RPL37: variants seen among roughly 807,000 people sequenced by gnomAD.
RPL37 encodes the protein large ribosomal subunit protein eL37.
A neutral mutation model predicts 14.8 loss-of-function variants in RPL37; 1 was observed. The ratio of observed to expected loss-of-function variants is 0.07; its 90% CI spans 0.02 to 0.32. The LOEUF (loss-of-function observed/expected upper bound fraction) is 0.32. Ranked by LOEUF, RPL37 falls within the 10% of genes least tolerant of loss-of-function variation. RPL37 has a pLI of 1.00. For synonymous variants in RPL37, 53 were observed against 45.8 expected (o/e 1.16, Z -0.63); for missense variants, 100 against 128.3 (o/e 0.78, Z 1.06).
Position 40,830,464 on chromosome 5 carries a change from T to C in RPL37, c.*2040A>G, listed in dbSNP as rs1048272604. 6.6e-6 allele frequency: 1 copy of C among 151,768 alleles called. No homozygotes were observed. The highest frequency in any genetic ancestry group is 2.4e-5 in the African/African-American group (1 of 41,256). 9.4% of individuals were successfully genotyped at this position (151,768 alleles called of 1,614,324 possible). On this transcript the variant is annotated 3_prime_UTR_variant, in exon 4 of 4. Coordinates refer to ENST00000274242, the MANE Select transcript of RPL37 (RefSeq NM_000997.5). Reference sequence around the variant, plus strand: ...TCCAATGCAAGATCCACTGCTTATTTTGTTTCATTTGAAAATTTGAGTCAT... The same window carrying C: ...TCCAATGCAAGATCCACTGCTTATTCTGTTTCATTTGAAAATTTGAGTCAT...
chr5:40,826,347 A>G lies in RPL37; in HGVS notation c.*6157T>C, dbSNP rs1745517539. On this transcript the variant is annotated 3_prime_UTR_variant, in exon 4 of 4. Transcript: ENST00000274242. ...TGGTCAGTTTTCAGTTTTTATCATTATTTATTATTTTATTTTTTATATCCC... is the reference window on the plus strand; with the variant it reads ...TGGTCAGTTTTCAGTTTTTATCATTGTTTATTATTTTATTTTTTATATCCC... 6.6e-6 allele frequency: 1 copy of G among 151,908 alleles called. No homozygotes were observed. The highest frequency in any genetic ancestry group is 2.4e-5 in the African/African-American group (1 of 41,226). The allele number at this position is 151,908 out of a possible 1,614,324, so 9.4% of individuals were successfully genotyped here.
In RPL37 at chr5:40,830,937, T is replaced by C. The variant is rs1419909924; in HGVS notation, c.*1567A>G. On this transcript the variant is annotated 3_prime_UTR_variant, in exon 4 of 4. Transcript: ENST00000274242. ...GGTCATTGTTCAATCTTCAACAGAC[T>C]ATCTTCACTTGAAAATTTGATGATG... 2 of 152,044 alleles carry C rather than the reference T, an allele frequency of 1.3e-5. No homozygotes were observed. The highest frequency in any genetic ancestry group is 4.8e-5 in the African/African-American group (2 of 41,406). 9.4% of individuals were successfully genotyped at this position (152,044 alleles called of 1,614,324 possible).
Position 40,828,620 on chromosome 5 carries a change from G to T in RPL37, c.*3884C>A, listed in dbSNP as rs1745569630. 1 of 152,170 alleles carries T rather than the reference G, an allele frequency of 6.6e-6. No homozygotes were observed. The highest frequency in any genetic ancestry group is 6.5e-5 in the Admixed American group (1 of 15,270). 9.4% of individuals were successfully genotyped at this position (152,170 alleles called of 1,614,324 possible). The stretch of plus-strand genomic sequence containing the variant: ...CTGCTCTAACATGAGAGAGGTTTAT[G>T]AAAAGTAAAGACTAGCCTAAATTTT... On this transcript the variant is annotated 3_prime_UTR_variant, in exon 4 of 4. Transcript: ENST00000274242.
chr5:40,825,504 T>G lies in RPL37; in HGVS notation c.*7000A>C, dbSNP rs1433686311. ...AATCCCTAATAGGACAATTGTTCAC[T>G]CTGAGGCTTCTGGCTTCTTATCTCT... is the stretch of plus-strand genomic sequence containing the variant. On this transcript the variant is annotated 3_prime_UTR_variant, in exon 4 of 4. Transcript: ENST00000274242. 1 of 152,256 alleles carries G rather than the reference T, an allele frequency of 6.6e-6. No homozygotes were observed. The highest frequency in any genetic ancestry group is 1.5e-5 in the Non-Finnish European group (1 of 68,076). 9.4% of individuals were successfully genotyped at this position (152,256 alleles called of 1,614,324 possible).
In RPL37 at chr5:40,826,061, T is replaced by G. The variant is rs1745510858; in HGVS notation, c.*6443A>C. Reference sequence around the variant, plus strand: ...CCTCACTTGAGGAAGCTGGCCTTTCTCCTGTACTGTTTTACCAGTTGTCTT... The same window carrying G: ...CCTCACTTGAGGAAGCTGGCCTTTCGCCTGTACTGTTTTACCAGTTGTCTT... On this transcript the variant is annotated 3_prime_UTR_variant, in exon 4 of 4. Transcript: ENST00000274242. The G allele has an allele frequency of 6.6e-6, 1 of 152,224 alleles. No homozygotes were observed. Among genetic ancestry groups the G allele is most frequent in the African/African-American group, 2.4e-5 (1 of 41,458 alleles). 9.4% of individuals were successfully genotyped at this position (152,224 alleles called of 1,614,324 possible).
chr5:40,835,133 C>G, intron 1 of RPL37, 50 bp downstream of exon 1: 1 of 1,613,654 alleles, frequency 6.2e-7, no homozygotes, highest in Non-Finnish European at 8.5e-7. Context: ...CAGAGAGGCA[C>G]AAAGGACGAG....
rs1561207624 is a variant in RPL37 at position 40,831,589 on chromosome 5, G to A, written c.*915C>T. The A allele has an allele frequency of 6.6e-6, 1 of 152,272 alleles. No homozygotes were observed. Among genetic ancestry groups the A allele is most frequent in the Non-Finnish European group, 1.5e-5 (1 of 68,024 alleles). 9.4% of individuals were successfully genotyped at this position (152,272 alleles called of 1,614,324 possible). On this transcript the variant is annotated 3_prime_UTR_variant, in exon 4 of 4. Transcript: ENST00000274242. ...GGCTACATCACTATTTTATGTAGCT[G>A]TTCCAGCAATTCATGTTCCCTTCAA... is the stretch of plus-strand genomic sequence containing the variant.
rs1417997384 is a variant in RPL37 at position 40,831,171 on chromosome 5, G to A, written c.*1333C>T. The A allele has an allele frequency of 6.6e-6, 1 of 152,256 alleles. No individual in the cohort carries two copies. The highest frequency in any genetic ancestry group is 1.5e-5 in the Non-Finnish European group (1 of 68,062). 9.4% of individuals were successfully genotyped at this position (152,256 alleles called of 1,614,324 possible). A position where few individuals can be genotyped will look rare whatever the true frequency, so the allele number is the denominator to read the frequency against. On this transcript the variant is annotated 3_prime_UTR_variant, in exon 4 of 4. Coordinates refer to ENST00000274242, the MANE Select transcript of RPL37 (RefSeq NM_000997.5). The stretch of plus-strand genomic sequence containing the variant: ...GTGGTGGTGTGCATCTGTAGTCCCA[G>A]CTACTCAGAAGGCTGAGGCAGGAGA...
intron 3 of RPL37, among the ~76,000 whole-genome samples, chr5:40,832,904 T>C (rs1312997618): frequency 6.6e-6 from 1 of 152,240 alleles, no homozygotes; most frequent in East Asian, 1.9e-4. Flanking sequence ...ATACTGAGAA[T>C]AGATCCCAAC....
intron 3 of RPL37, 135 bp from the exon 4 acceptor site, chr5:40,832,708 T>C (rs977069274): frequency 2.5e-6 from 2 of 785,072 alleles, no homozygotes; most frequent in Non-Finnish European, 4.7e-6. Flanking sequence ...TGTTCAGACA[T>C]TTATTTTTAC....
chr5:40,834,054 A>G, intron 3 of RPL37, 127 bp downstream of exon 3: 1 of 714,916 alleles, frequency 1.4e-6, no homozygotes, highest in Non-Finnish European at 2.4e-6. Context: ...CAAAAACAAC[A>G]ATAAATAAAA....
rs1745524385 is a variant in RPL37, at chr5:40,826,639, C to T, written c.*5865G>A. ...AGAGGGCTGCTGCCATGCGATCTCC[C>T]TGAAATTGTTTTTTTCAGGCCAGGG... On this transcript the variant is annotated 3_prime_UTR_variant, in exon 4 of 4. Transcript: ENST00000274242. 1 of 152,166 alleles carries T rather than the reference C, an allele frequency of 6.6e-6. No individual in the cohort carries two copies. Among genetic ancestry groups the T allele is most frequent in the East Asian group, 1.9e-4 (1 of 5,204 alleles). The allele number at this position is 152,166 out of a possible 1,614,324, so 9.4% of individuals were successfully genotyped here.
intron 3 of RPL37, chr5:40,833,953 G>A: frequency 1.9e-6 from 1 of 527,814 alleles, no homozygotes; most frequent in Non-Finnish European, 3.4e-6. Flanking sequence ...CGGCTGAGAT[G>A]AGATTACCTG....
In RPL37 at chr5:40,828,879, C is replaced by G. The variant is rs182225230; in HGVS notation, c.*3625G>C. 6.6e-6 allele frequency: 1 copy of G among 152,308 alleles called. No individual in the cohort carries two copies. The highest frequency in any genetic ancestry group is 6.5e-5 in the Admixed American group (1 of 15,286). The allele number at this position is 152,308 out of a possible 1,614,324, so 9.4% of individuals were successfully genotyped here. ...GTAGGTGCACCATACATAAATATGT[C>G]AACAAATGAACTTCTCCCTCTCTCC... On this transcript the variant is annotated 3_prime_UTR_variant, in exon 4 of 4. Transcript: ENST00000274242.
intron 3 of RPL37, chr5:40,833,774 A>C (rs1225658160): frequency 6.3e-6 from 1 of 159,946 alleles, no homozygotes; most frequent in Middle Eastern, 2.8e-3. Context: ...AATCCAAACT[A>C]ACTGATGTCA....
chr5:40,830,002 G>C lies in RPL37; in HGVS notation c.*2502C>G, dbSNP rs905063560. On this transcript the variant is annotated 3_prime_UTR_variant, in exon 4 of 4. Transcript: ENST00000274242. Reference sequence around the variant, plus strand: ...CCACAGATTCAACCTTTCTATTTTTGTAACTTTACAGAACATAACCAGTTA... The same window carrying C: ...CCACAGATTCAACCTTTCTATTTTTCTAACTTTACAGAACATAACCAGTTA... The C allele has an allele frequency of 1.3e-5, 2 of 151,942 alleles. No homozygotes were observed. The highest frequency in any genetic ancestry group is 2.9e-5 in the Non-Finnish European group (2 of 68,002). The allele number at this position is 151,942 out of a possible 1,614,324, so 9.4% of individuals were successfully genotyped here.
rs559448139 is a variant in RPL37 at position 40,834,327 on chromosome 5, T to A, written c.140-62A>T. On this transcript the variant is annotated intron_variant, in intron 2 of 3. Transcript: ENST00000274242. ...TCTCCCACACACCTTGTAGGTGTTG[T>A]TAACACACGAGTTTTATGCCACCTC... 37 of 1,564,780 alleles carry A rather than the reference T, an allele frequency of 2.4e-5. No individual in the cohort carries two copies. The African/African-American group carries it at 5.0e-4, about 21-fold the overall frequency.
At chr5:40,833,190 G>A (rs1745679720) in intron 3 of RPL37, among the ~76,000 whole-genome samples, 1 of 152,198 alleles carries the variant, frequency 6.6e-6, no homozygotes, top group African/African-American at 2.4e-5. Flanking sequence ...ACCTATGGGT[G>A]TCTACAAAGC....
chr5:40,825,875 T>C lies in RPL37; in HGVS notation c.*6629A>G, dbSNP rs1442686087. 2 of 152,240 alleles carry C rather than the reference T, an allele frequency of 1.3e-5. No individual in the cohort carries two copies. The highest frequency in any genetic ancestry group is 4.8e-5 in the African/African-American group (2 of 41,436). 9.4% of individuals were successfully genotyped at this position (152,240 alleles called of 1,614,324 possible). A position where few individuals can be genotyped will look rare whatever the true frequency, so the allele number is the denominator to read the frequency against. On this transcript the variant is annotated 3_prime_UTR_variant, in exon 4 of 4. Coordinates refer to ENST00000274242, the MANE Select transcript of RPL37 (RefSeq NM_000997.5). ...TGTGTGCCACTGCACCTGGCTAATT[T>C]TTGTATTTTTAGTGGAGACGGGGTT...
Sources: gnomAD v4.1 joint callset for allele counts (sites outside exome capture counted in the v4.1 genomes callset) on GRCh38, gnomAD v4.1.1 for gene constraint, MANE v1.5 for transcripts, NCBI Gene and HGNC (gene_info 2026-07-23, HGNC 2026-07-21) for gene names.